The following CSAD variants were observed in gnomAD, a reference collection of about 807,000 sequenced individuals.
CSAD encodes the protein cysteine sulfinic acid decarboxylase.
Under a neutral mutation model 61.5 loss-of-function variants are expected in CSAD, and 47 were observed. The observed-to-expected ratio is 0.76, with a 90% CI of 0.60 to 0.97. The LOEUF is 0.97. Ranked by LOEUF, CSAD falls within the 50% of genes least tolerant of loss-of-function variation. CSAD has a pLI of 0.00. For missense variants in CSAD, 611 were observed against 643.6 expected (o/e 0.95, Z 0.55); for synonymous variants, 245 against 252.7 (o/e 0.97, Z 0.29).
rs780171987 is a variant in CSAD at position 53,161,301 on chromosome 12, T to C, written c.791A>G (p.Gln264Arg). 1 of 1,614,122 alleles carries C rather than the reference T, an allele frequency of 6.2e-7. No homozygotes were observed. The highest frequency in any genetic ancestry group is 1.1e-5 in the South Asian group (1 of 91,086). Residue 264 changes from glutamine (Q) to arginine (R), a missense_variant, in exon 11 of 17, where the codon CAG becomes CGG. Coordinates refer to ENST00000444623, the MANE Select transcript of CSAD (RefSeq NM_001244705.2). ...CACATGCAGCCATAGCCCATGACGC[T>C]GGCACACATCAGCAATTGCCTCCAG... Reference protein sequence around the residue: ...DPLEAIADVCQRHGLWLHVDA... With the variant: ...DPLEAIADVCRRHGLWLHVDA...
At chr12:53,175,557 G>A (rs1223481497) in intron 2 of CSAD, among the ~76,000 whole-genome samples, 2 of 152,164 alleles carry the variant, frequency 1.3e-5, no homozygotes, top group South Asian at 2.1e-4. Context: ...TCTCCTGGGT[G>A]GAGAGAACTA....
At chr12:53,166,699 G>A (rs1272130529) in intron 10 of CSAD, among the ~76,000 whole-genome samples, 1 of 152,090 alleles carries the variant, frequency 6.6e-6, no homozygotes, top group African/African-American at 2.4e-5. Context: ...AGGAGGCTGA[G>A]GCACGAGAAT....
At chr12:53,164,599 AG>A (rs1254505666) in intron 10 of CSAD, 1 of 154,276 alleles carries the variant, frequency 6.5e-6, no homozygotes, top group African/African-American at 2.4e-5. Context: ...AGGGGAGAAA[AG>A]GTTGAAAACA....
chr12:53,165,857 C>G (rs1404014743), intron 10 of CSAD, among the ~76,000 whole-genome samples: 1 of 152,118 alleles, frequency 6.6e-6, no homozygotes. Flanking sequence ...ACACCCAAAA[C>G]ACTGAAAGCA....
chr12:53,161,508 A>C, intron 10 of CSAD, 119 bp from the exon 11 acceptor site: 1 of 741,322 alleles, frequency 1.3e-6, no homozygotes, highest in Admixed American at 2.3e-5. Flanking sequence ...TCAACCTCAC[A>C]ACAATGTGTT....
At chr12:53,165,464 T>C (rs1167085404) in intron 10 of CSAD, among the ~76,000 whole-genome samples, 1 of 150,878 alleles carries the variant, frequency 6.6e-6, no homozygotes, top group Non-Finnish European at 1.5e-5. Context: ...ATCGAGACCA[T>C]CCTGGCTAAC....
rs991404801 is a variant in CSAD, at chr12:53,161,408, G to C, written c.703-19C>G. 3.1e-6 allele frequency: 5 copies of C among 1,594,392 alleles called. No individual in the cohort carries two copies. Among genetic ancestry groups the C allele is most frequent in the Non-Finnish European group, 4.3e-6 (5 of 1,163,094 alleles). ...CAGCACCCTGTTGCCAAAATGTAGA[G>C]GGAGAAAGATGTAAAGTCATCTCAA... On this transcript the variant is annotated intron_variant, in intron 10 of 16. Coordinates refer to ENST00000444623, the MANE Select transcript of CSAD (RefSeq NM_001244705.2).
chr12:53,167,729 T>C (rs1317121935), intron 10 of CSAD, among the ~76,000 whole-genome samples: 1 of 152,160 alleles, frequency 6.6e-6, no homozygotes, highest in African/African-American at 2.4e-5. Context: ...ATATGACAAG[T>C]GCTGGTGAGT....
intron 3 of CSAD, 51 bp from the exon 4 acceptor site, chr12:53,173,527 C>T (rs1169401076): frequency 4.3e-6 from 7 of 1,613,380 alleles, no homozygotes; most frequent in Non-Finnish European, 5.9e-6. Flanking sequence ...CCTTCCCGGA[C>T]CTACCCAGCA....
chr12:53,179,694 T>C (rs1056965673), intron 1 of CSAD: 41 of 1,244,300 alleles, frequency 3.3e-5, no homozygotes, highest in Non-Finnish European at 4.7e-5. Flanking sequence ...TTGAGAATCC[T>C]TGTCTTTTTT....
chr12:53,174,808 A>G (rs1024878270), intron 2 of CSAD, among the ~76,000 whole-genome samples: 1 of 152,114 alleles, frequency 6.6e-6, no homozygotes, highest in African/African-American at 2.4e-5. Context: ...ATATATATAT[A>G]TGGAGGAATT....
intron 6 of CSAD, 100 bp from the exon 7 acceptor site, chr12:53,172,088 T>C (rs1940651790): frequency 2.4e-6 from 2 of 839,854 alleles, no homozygotes; most frequent in Admixed American, 2.3e-5. Context: ...CAGTGAAGAG[T>C]GAGCAAAGCA....
intron 1 of CSAD, chr12:53,179,808 T>A: frequency 1.2e-6 from 2 of 1,613,624 alleles, no homozygotes; most frequent in Non-Finnish European, 1.7e-6. Context: ...GGAATTGACA[T>A]CTCCTTCCAT....
intron 1 of CSAD, chr12:53,180,016 G>A (rs1396815069): frequency 6.9e-7 from 1 of 1,444,504 alleles, no homozygotes; most frequent in Non-Finnish European, 9.0e-7. Context: ...GGACGGCCTG[G>A]AGTAAAGGGC....
In CSAD at chr12:53,165,398, C is replaced by T. The variant is rs372301924; in HGVS notation, c.703-4009G>A. On this transcript the variant is annotated intron_variant, in intron 10 of 16. Transcript: ENST00000444623. ...AGCGTTGGCCAGGCGCGGTGGCTCA[C>T]GCCTGTGATCCCAGCACTTTGGGAG... is the stretch of plus-strand genomic sequence containing the variant. Among the ~76,000 whole-genome samples the T allele has an allele frequency of 6.0e-5, 9 of 150,014 alleles. No individual in the cohort carries two copies. The East Asian group carries it at 1.2e-3, about 20-fold the overall frequency.
At chr12:53,159,738 T>TTC in intron 15 of CSAD, 26 bp from the exon 16 acceptor site, 3 of 1,588,048 alleles carry the variant, frequency 1.9e-6, no homozygotes, top group Non-Finnish European at 2.6e-6. Flanking sequence ...AAGAGGAAGG[T>TTC]GTGAGCTGAG....
intron 16 of CSAD, 82 bp from the exon 17 acceptor site, chr12:53,158,766 A>G: frequency 7.2e-7 from 1 of 1,397,624 alleles, no homozygotes; most frequent in South Asian, 1.3e-5. Context: ...CCAGGCTTCC[A>G]GAGGTGCTTT....
chr12:53,172,839 CA>C (rs1359248991), intron 4 of CSAD, among the ~76,000 whole-genome samples, 191 bp from the exon 5 acceptor site: 11 of 152,158 alleles, frequency 7.2e-5, no homozygotes, highest in African/African-American at 2.4e-4. Flanking sequence ...CTGAGGTACC[CA>C]GGGGGGCAGG....
rs764103793 is a variant in CSAD at position 53,170,521 on chromosome 12, G to A, written c.568-19C>T. The A allele has an allele frequency of 2.5e-6, 4 of 1,606,232 alleles. No individual in the cohort carries two copies. Among genetic ancestry groups the A allele is most frequent in the Non-Finnish European group, 1.7e-6 (2 of 1,172,846 alleles). On this transcript the variant is annotated intron_variant, in intron 8 of 16. Coordinates refer to ENST00000444623, the MANE Select transcript of CSAD (RefSeq NM_001244705.2). ...AGTGACACTGTGGGGGAAGGCAGAG[G>A]GCAAGTTAGCACAACTTGATGGGGG... is the stretch of plus-strand genomic sequence containing the variant.
Sources: allele counts gnomAD v4.1 joint callset (sites outside exome capture counted in the v4.1 genomes callset), GRCh38; gene constraint gnomAD v4.1.1; transcripts MANE v1.5; gene names NCBI Gene and HGNC (gene_info 2026-07-23, HGNC 2026-07-21).